Variants in TPTE observed in about 807,000 individuals in gnomAD.
The protein encoded by TPTE is putative tyrosine-protein phosphatase TPTE.
In TPTE, 59 loss-of-function variants were observed where a neutral mutation model predicts 84.1. That is an observed-to-expected ratio of 0.70 (90% CI 0.57 to 0.87). TPTE has a LOEUF of 0.87. Ranked by LOEUF, TPTE falls within the 40% of genes least tolerant of loss-of-function variation. The probability of loss-of-function intolerance (pLI) is 0.00; values close to 1 mark genes in which losing one functional copy is unlikely to be tolerated. For synonymous variants in TPTE, 130 were observed against 223.5 expected, an observed-to-expected ratio of 0.58 and a Z score of 3.73; for missense variants, 382 against 659.6, an observed-to-expected ratio of 0.58 and a Z score of 4.61.
At chr21:10,570,366 T>A in intron 13 of TPTE, 119 bp from the exon 14 acceptor site, 2 of 1,547,356 alleles carry the variant, frequency 1.3e-6, no homozygotes, top group Non-Finnish European at 1.8e-6. Context: ...TCTGTCAACC[T>A]CAATCTTAAA....
chr21:10,564,015 G>A (rs1168889999), intron 10 of TPTE, among the ~76,000 whole-genome samples: 1 of 152,302 alleles, frequency 6.6e-6, no homozygotes, highest in African/African-American at 2.4e-5. Flanking sequence ...TTAGCAGGGT[G>A]TGGTGGTGCG....
intron 20 of TPTE, among the ~76,000 whole-genome samples, chr21:10,597,364 A>C (rs1209062313): frequency 1.3e-5 from 2 of 152,304 alleles, no homozygotes; most frequent in African/African-American, 4.8e-5. Flanking sequence ...CATATTAGCA[A>C]GAAAGGTTGC....
In TPTE at chr21:10,605,515, A is replaced by G; in HGVS notation, c.1619A>G (p.Lys540Arg). Residue 540 changes from lysine (K) to arginine (R), a missense_variant, in exon 24 of 24, where the codon AAA becomes AGA. By Grantham distance (26) the Lys-to-Arg change is conservative. This residue lies in a region of TPTE where 120 missense variants were observed against 79.1 expected (regional missense o/e 1.52). Coordinates refer to ENST00000618007, the MANE Select transcript of TPTE (RefSeq NM_199261.4). ...DFAVEILFGEKMTSSDVVAGS... is the reference protein window; with the variant it reads ...DFAVEILFGERMTSSDVVAGS... Reference sequence around the variant, plus strand: ...GCCGTGGAGATACTTTTTGGCGAGAAAATGACTTCCAGTGATGTTGTAGCT... The same window carrying G: ...GCCGTGGAGATACTTTTTGGCGAGAGAATGACTTCCAGTGATGTTGTAGCT... The G allele has an allele frequency of 6.2e-7, 1 of 1,614,238 alleles. No individual in the cohort carries two copies. The highest frequency in any genetic ancestry group is 8.5e-7 in the Non-Finnish European group (1 of 1,180,024).
intron 1 of TPTE, among the ~76,000 whole-genome samples, chr21:10,522,828 T>C (rs1179219561): frequency 2.0e-4 from 31 of 152,290 alleles, no homozygotes; most frequent in Admixed American, 2.0e-3. Flanking sequence ...ATCATGGTAA[T>C]TAGCATATTC....
chr21:10,589,940 G>A (rs1238559270), intron 17 of TPTE, among the ~76,000 whole-genome samples: 1 of 152,294 alleles, frequency 6.6e-6, no homozygotes, highest in African/African-American at 2.4e-5. Flanking sequence ...TGCCATCTTG[G>A]AAAAAACATC....
intron 10 of TPTE, among the ~76,000 whole-genome samples, chr21:10,566,709 G>A (rs1397945525): frequency 6.6e-6 from 1 of 152,308 alleles, no homozygotes; most frequent in Non-Finnish European, 1.5e-5. Context: ...AAGTGCACTG[G>A]CTCATGCCTG....
chr21:10,535,775 C>T (rs868614686), intron 3 of TPTE, among the ~76,000 whole-genome samples: 3 of 152,312 alleles, frequency 2.0e-5, no homozygotes, highest in African/African-American at 7.2e-5. Flanking sequence ...TAGCGTTCTA[C>T]CACCATGTGA....
chr21:10,558,427 T>C (rs1341796419), intron 8 of TPTE, among the ~76,000 whole-genome samples: 1 of 152,312 alleles, frequency 6.6e-6, no homozygotes, highest in East Asian at 1.9e-4. Context: ...ATTTTTTGAC[T>C]TTTTAGTAAT....
At chr21:10,568,880 C>T (rs111783734) in intron 11 of TPTE, among the ~76,000 whole-genome samples, 142 of 151,992 alleles carry the variant, frequency 9.3e-4, no homozygotes, top group African/African-American at 3.2e-3. Flanking sequence ...TTCAGTGGTT[C>T]TGATGGTAGG....
intron 3 of TPTE, among the ~76,000 whole-genome samples, chr21:10,530,354 AAT>A (rs1258159264): frequency 6.6e-4 from 100 of 152,400 alleles, no homozygotes; most frequent in Non-Finnish European, 1.1e-3. Flanking sequence ...CAACAATTTT[AAT>A]ATGTTTAATA....
intron 3 of TPTE, among the ~76,000 whole-genome samples, chr21:10,530,577 A>G: frequency 6.6e-6 from 1 of 152,308 alleles, no homozygotes; most frequent in African/African-American, 2.4e-5. Context: ...TGAGGAACAC[A>G]TATATTGCTT....
At position 10,569,799 on chromosome 21, in the gene TPTE, A is replaced by G. The variant is rs550887689; in HGVS notation, c.730+53A>G. On this transcript the variant is annotated intron_variant, in intron 13 of 23. Transcript: ENST00000618007. ...TTGTATTACTTCACTTTTTCTTGTA[A>G]TTGTATTTTTTTTTGCCTCATCTAA... The G allele has an allele frequency of 1.6e-4, 258 of 1,600,092 alleles. No homozygotes were observed. In the Middle Eastern group the frequency reaches 7.3e-3, roughly 45 times the overall value.
At position 10,541,075 on chromosome 21, in the gene TPTE, C is replaced by T. The variant is rs536555655; in HGVS notation, c.12-37C>T. The stretch of plus-strand genomic sequence containing the variant: ...TATTTGTTGCAAAACATTAGAATTA[C>T]GCATTGGGTCTGACTCTGACCATAT... On this transcript the variant is annotated intron_variant, in intron 4 of 23. Coordinates refer to ENST00000618007, the MANE Select transcript of TPTE (RefSeq NM_199261.4). 82 of 1,611,630 alleles carry T rather than the reference C, an allele frequency of 5.1e-5. No individual in the cohort carries two copies. In the East Asian group the frequency reaches 5.1e-4, roughly 10 times the overall value.
chr21:10,543,014 CTTTTTT>C (rs1051322060), intron 6 of TPTE, among the ~76,000 whole-genome samples: 2 of 72,286 alleles, frequency 2.8e-5, no homozygotes, highest in African/African-American at 5.6e-5. Flanking sequence ...TGACTGTATT[CTTTTTT>C]TTTTTTTTTT....
intron 2 of TPTE, among the ~76,000 whole-genome samples, chr21:10,525,280 C>A (rs1207945705): frequency 6.6e-6 from 1 of 152,310 alleles, no homozygotes; most frequent in South Asian, 2.1e-4. Flanking sequence ...AATCAACTAA[C>A]GTGTTTTGGA....
chr21:10,569,243 G>GAC (rs146395051), intron 11 of TPTE, among the ~76,000 whole-genome samples, 194 bp from the exon 12 acceptor site: 2 of 152,422 alleles, frequency 1.3e-5, no homozygotes, highest in East Asian at 3.8e-4. Flanking sequence ...GTAACACACA[G>GAC]ACACACACAC....
Position 10,592,375 on chromosome 21 carries a change from TAA to T in TPTE, c.1170+3_1170+4del, listed in dbSNP as rs1459806607. 8 of 1,612,140 alleles carry T rather than the reference TAA, an allele frequency of 5.0e-6. No homozygotes were observed. The African/African-American group carries it at 1.1e-4, about 22-fold the overall frequency. The stretch of plus-strand genomic sequence containing the variant: ...CAGGGAGTAAAAACTCCTTCTCAGG[TAA>T]GTTTTCTTTTTAAAAATGGGAGTTT... On this transcript the variant is annotated splice_donor_region_variant and intron_variant, in intron 19 of 23. Coordinates refer to ENST00000618007, the MANE Select transcript of TPTE (RefSeq NM_199261.4).
chr21:10,594,434 T>A (rs2075542229), intron 19 of TPTE, among the ~76,000 whole-genome samples: 1 of 152,312 alleles, frequency 6.6e-6, no homozygotes, highest in Non-Finnish European at 1.5e-5. Flanking sequence ...CTTTCCACCC[T>A]TTTCTCATAA....
chr21:10,573,689 T>C (rs1199120696), intron 14 of TPTE, among the ~76,000 whole-genome samples: 44 of 152,264 alleles, frequency 2.9e-4, no homozygotes, highest in Non-Finnish European at 4.4e-5. Context: ...CTTATAAATA[T>C]GAACAAGTAT....
Sources: allele counts gnomAD v4.1 joint callset (sites outside exome capture counted in the v4.1 genomes callset), GRCh38; gene constraint gnomAD v4.1.1; regional missense constraint gnomAD v4.1.1; transcripts MANE v1.5; gene names NCBI Gene and HGNC (gene_info 2026-07-23, HGNC 2026-07-21).